MFF: variants seen among roughly 807,000 people sequenced by gnomAD.
The protein encoded by MFF is mitochondrial fission factor, also known as chromosome 2 open reading frame 33.
MFF carries 12 observed loss-of-function variants against 36.9 expected under a neutral mutation model. The ratio of observed to expected loss-of-function variants is 0.33; its 90% confidence interval spans 0.21 to 0.53. The LOEUF is 0.53. Among genes scored for constraint, MFF ranks in the 20% least tolerant of loss-of-function variants. The pLI, the probability that MFF is intolerant of heterozygous loss-of-function variation, is 0.95. For synonymous variants in MFF, 99 were observed against 126.2 expected, an observed-to-expected ratio of 0.78 and a Z score of 1.44; for missense variants, 348 against 366.6, an observed-to-expected ratio of 0.95 and a Z score of 0.42.
At chr2:227,341,126 A>G (rs10933179) in intron 5 of MFF, among the ~76,000 whole-genome samples, 145,866 of 152,254 alleles carry the variant, frequency 0.96, 70,102 homozygotes, top group East Asian at 1. Flanking sequence ...AGCAAATCTA[A>G]ATAGAAGCAA....
chr2:227,337,065 A>G (rs969735333), intron 4 of MFF, among the ~76,000 whole-genome samples: 1 of 152,222 alleles, frequency 6.6e-6, no homozygotes, highest in African/African-American at 2.4e-5. Context: ...TGGGACTGCA[A>G]TGAGCAGAAT....
chr2:227,329,323 G>GT (rs2106339508), intron 2 of MFF: 1 of 182,568 alleles, frequency 5.5e-6, no homozygotes, highest in African/African-American at 2.4e-5. Flanking sequence ...TGGCAGTATT[G>GT]TTTTCTTCGA....
chr2:227,347,819 A>G (rs1347888259), intron 6 of MFF, among the ~76,000 whole-genome samples: 2 of 152,218 alleles, frequency 1.3e-5, no homozygotes, highest in Non-Finnish European at 2.9e-5. Context: ...CGCAGCTGCC[A>G]GGACACTTTT....
intron 5 of MFF, among the ~76,000 whole-genome samples, chr2:227,341,139 C>T (rs1488189472): frequency 6.6e-6 from 1 of 151,964 alleles, no homozygotes; most frequent in Non-Finnish European, 1.5e-5. Context: ...AGAAGCAAAG[C>T]ATTTAATTTT....
chr2:227,351,713 C>T (rs1222216331), intron 6 of MFF: 1 of 152,218 alleles, frequency 6.6e-6, no homozygotes, highest in Non-Finnish European at 1.5e-5. Flanking sequence ...GGAAAGGTTA[C>T]TGCTTATCAA....
At chr2:227,354,142 A>C (rs1438968840) in intron 7 of MFF, among the ~76,000 whole-genome samples, 1 of 152,208 alleles carries the variant, frequency 6.6e-6, no homozygotes, top group African/African-American at 2.4e-5. Context: ...CATAGAAGGA[A>C]TATTTGGAGA....
chr2:227,346,358 T>C (rs5003955), intron 5 of MFF: 160,742 of 167,056 alleles, frequency 0.96, 77,563 homozygotes, highest in East Asian at 1. Context: ...CATACTGTAA[T>C]GTTAAACAGC....
At chr2:227,336,116 AAAG>A (rs2074983261) in intron 4 of MFF, among the ~76,000 whole-genome samples, 2 of 152,340 alleles carry the variant, frequency 1.3e-5, no homozygotes, top group South Asian at 2.1e-4. Flanking sequence ...AGAGAACAAG[AAAG>A]AAGAACTGTA....
chr2:227,333,873 A>T (rs2074786385), intron 4 of MFF, among the ~76,000 whole-genome samples: 1 of 152,182 alleles, frequency 6.6e-6, no homozygotes. Flanking sequence ...CCTAATTGAA[A>T]GCAACCCAAG....
intron 4 of MFF, among the ~76,000 whole-genome samples, chr2:227,338,380 A>AG (rs202012872): frequency 0.031 from 4,653 of 151,352 alleles, 135 homozygotes; most frequent in Admixed American, 0.043. Context: ...AAAAAAAAAA[A>AG]AAAGAAAAGA....
intron 4 of MFF, among the ~76,000 whole-genome samples, chr2:227,338,705 C>G (rs1297155902): frequency 6.6e-6 from 1 of 151,618 alleles, no homozygotes; most frequent in Non-Finnish European, 1.5e-5. Context: ...TGGCACACAC[C>G]TGTAATCCCA....
intron 4 of MFF, among the ~76,000 whole-genome samples, chr2:227,336,124 A>C (rs2074984154): frequency 6.6e-6 from 1 of 152,240 alleles, no homozygotes; most frequent in Admixed American, 6.5e-5. Flanking sequence ...AGAAAGAAGA[A>C]CTGTAAAGAA....
chr2:227,330,032 A>G (rs1209528283), intron 2 of MFF: 3 of 313,604 alleles, frequency 9.6e-6, no homozygotes, highest in Non-Finnish European at 1.7e-5. Flanking sequence ...TACAAATTCT[A>G]AATTTGGTAT....
chr2:227,353,600 T>A (rs1417465128), intron 7 of MFF, among the ~76,000 whole-genome samples: 1 of 152,198 alleles, frequency 6.6e-6, no homozygotes, highest in East Asian at 1.9e-4. Context: ...TATCTTTCTG[T>A]CAGAGTATTT....
chr2:227,333,857 G>C (rs536316690), intron 4 of MFF, among the ~76,000 whole-genome samples: 8 of 152,122 alleles, frequency 5.3e-5, no homozygotes, highest in Non-Finnish European at 1.2e-4. Context: ...TGGTCTTTCT[G>C]CTTCTCCTAA....
In MFF at chr2:227,352,756, A is replaced by G. The variant is rs562643966; in HGVS notation, c.659+183A>G. Among the ~76,000 whole-genome samples the G allele has an allele frequency of 1.2e-4, 18 of 152,332 alleles. No homozygotes were observed. In the South Asian group the frequency reaches 2.5e-3, roughly 21 times the overall value. On this transcript the variant is annotated intron_variant, in intron 7 of 8. Transcript: ENST00000304593. ...AATAATCAGTCATGACATTTGGCCA[A>G]TTAGTATGAGGGAAAATGTTTAATA...
intron 2 of MFF, chr2:227,329,938 ATGT>A: frequency 2.0e-6 from 1 of 504,394 alleles, no homozygotes; most frequent in African/African-American, 2.0e-5. Context: ...AAAAAAACAC[ATGT>A]AAATATGATA....
chr2:227,331,988 T>C (rs2074615957), intron 3 of MFF, among the ~76,000 whole-genome samples: 1 of 117,706 alleles, frequency 8.5e-6, no homozygotes, highest in African/African-American at 3.8e-5. Context: ...TTTTTTTTTT[T>C]TGAGACGGAG....
chr2:227,331,364 G>A (rs1037098191), intron 3 of MFF, among the ~76,000 whole-genome samples: 18 of 152,166 alleles, frequency 1.2e-4, no homozygotes, highest in African/African-American at 7.2e-5. Flanking sequence ...TGTTCATTCA[G>A]TTTTATTGCT....
Sources: gnomAD v4.1 joint callset for allele counts (sites outside exome capture counted in the v4.1 genomes callset) on GRCh38, gnomAD v4.1.1 for gene constraint, MANE v1.5 for transcripts, NCBI Gene and HGNC (gene_info 2026-07-23, HGNC 2026-07-21) for gene names.